Variants in MRTFB observed in about 807,000 individuals in gnomAD.
MRTFB encodes myocardin-related transcription factor B.
Under a neutral mutation model 104.2 loss-of-function variants are expected in MRTFB, and 29 were observed. That is an observed-to-expected ratio of 0.28 (90% confidence interval 0.21 to 0.38). The LOEUF (loss-of-function observed/expected upper bound fraction) is 0.38. MRTFB is among the 10% of genes least tolerant of loss of function. MRTFB has a pLI of 1.00. For missense variants in MRTFB, 1,270 were observed against 1,341.6 expected (o/e 0.95, Z 0.83); for synonymous variants, 535 against 519.5 (o/e 1.03, Z -0.41).
chr16:14,189,512 AAG>A (rs1284808810), intron 3 of MRTFB, among the ~76,000 whole-genome samples: 2 of 152,224 alleles, frequency 1.3e-5, no homozygotes, highest in Non-Finnish European at 2.9e-5. Context: ...GTTTTGTCAA[AAG>A]AGACAAATAT....
At chr16:14,144,425 T>G (rs1052217460) in intron 3 of MRTFB, 2 of 152,216 alleles carry the variant, frequency 1.3e-5, no homozygotes, top group Non-Finnish European at 2.9e-5. Flanking sequence ...GGGGAAATGC[T>G]GCTCAAAGGA....
At chr16:14,052,250 G>C in the MRTFB span, among the ~76,000 whole-genome samples, 1 of 152,086 alleles carries the variant, frequency 6.6e-6, no homozygotes, top group Non-Finnish European at 1.5e-5. Context: ...TATAGACAAG[G>C]ATTGAGGATT....
chr16:14,159,753 C>T (rs1172355281), intron 3 of MRTFB, among the ~76,000 whole-genome samples: 1 of 151,252 alleles, frequency 6.6e-6, no homozygotes, highest in Non-Finnish European at 1.5e-5. Context: ...AACGGTGAAA[C>T]CCCGTCTCTA....
intron 2 of MRTFB, among the ~76,000 whole-genome samples, chr16:14,127,504 C>A (rs1392230030): frequency 6.6e-6 from 1 of 151,652 alleles, no homozygotes; most frequent in Non-Finnish European, 1.5e-5. Flanking sequence ...ATTAGCCAGG[C>A]GTGGTGGTGG....
intron 2 of MRTFB, among the ~76,000 whole-genome samples, chr16:14,100,321 G>T (rs1250334319): frequency 6.6e-6 from 1 of 152,090 alleles, no homozygotes; most frequent in African/African-American, 2.4e-5. Context: ...ATGGATGTTG[G>T]ATTTTGTTAG....
chr16:14,210,140 T>C, intron 3 of MRTFB, 103 bp from the exon 4 acceptor site: 1 of 759,770 alleles, frequency 1.3e-6, no homozygotes, highest in Non-Finnish European at 2.1e-6. Flanking sequence ...AATTGTGAAA[T>C]AGAAGATGCT....
At chr16:14,060,935 A>C in the MRTFB span, among the ~76,000 whole-genome samples, 1 of 152,128 alleles carries the variant, frequency 6.6e-6, no homozygotes. Flanking sequence ...TCAGGAGGTC[A>C]GGAGATCGAG....
chr16:14,250,430 G>C (rs981696398), intron 13 of MRTFB, among the ~76,000 whole-genome samples: 2 of 152,174 alleles, frequency 1.3e-5, no homozygotes, highest in African/African-American at 4.8e-5. Context: ...TCTTGATGGA[G>C]GTGCTAAACA....
At chr16:14,148,682 G>A (rs555834795) in intron 3 of MRTFB, 9 of 152,658 alleles carry the variant, frequency 5.9e-5, no homozygotes, top group African/African-American at 2.2e-4. Context: ...GTAGTCTTTT[G>A]GGAGTCAGGA....
At chr16:14,041,795 A>C in the MRTFB span, among the ~76,000 whole-genome samples, 1 of 151,980 alleles carries the variant, frequency 6.6e-6, no homozygotes, top group Non-Finnish European at 1.5e-5. Context: ...GCGTGGTGGC[A>C]CATGCCTGTA....
rs1015525746 is a variant in MRTFB at position 14,266,512 on chromosome 16, C to G, written c.*5068C>G. On this transcript the variant is annotated 3_prime_UTR_variant, in exon 17 of 17. Transcript: ENST00000571589. ...AATCGGGGGTCCATTCATCTATTGC[C>G]TTTATGTTGTTTTTTAAAAGAAAAA... The G allele has an allele frequency of 4.6e-5, 7 of 152,080 alleles. No individual in the cohort carries two copies. Among genetic ancestry groups the G allele is most frequent in the Non-Finnish European group, 8.8e-5 (6 of 68,014 alleles). The allele number at this position is 152,080 out of a possible 1,614,324, so 9.4% of individuals were successfully genotyped here.
At chr16:14,187,108 G>GT in intron 3 of MRTFB, 1 of 1,254,990 alleles carries the variant, frequency 8.0e-7, no homozygotes, top group South Asian at 1.4e-5. Context: ...GTGTCTGTCT[G>GT]TTACCATGCT....
chr16:14,030,015 G>C, the MRTFB span, among the ~76,000 whole-genome samples: 69 of 152,058 alleles, frequency 4.5e-4, no homozygotes, highest in African/African-American at 1.6e-3. Context: ...GGGAGGGGAG[G>C]AGTGAGAGCT....
rs374379820 is a variant in MRTFB, at chr16:14,251,924, T to A, written c.2466T>A (p.Ala822=). 1.9e-5 allele frequency: 30 copies of A among 1,614,110 alleles called. No homozygotes were observed. Among genetic ancestry groups the A allele is most frequent in the Non-Finnish European group, 1.9e-5 (22 of 1,180,036 alleles). The change falls in exon 14 of 17, where the codon GCT becomes GCA. Residue 822 remains alanine, a synonymous_variant. Coordinates refer to ENST00000571589, the MANE Select transcript of MRTFB (RefSeq NM_001308142.2). ...CATATCAGAGACATCCTGCCCCAGCTGTCCAGCAGCCCTTTATCAATAAGG... is the reference window on the plus strand; with the variant it reads ...CATATCAGAGACATCCTGCCCCAGCAGTCCAGCAGCCCTTTATCAATAAGG... ...VLPYQRHPAP[A]VQQPFINKAS...
At chr16:14,003,627 T>G in the MRTFB span, among the ~76,000 whole-genome samples, 9 of 100,960 alleles carry the variant, frequency 8.9e-5, no homozygotes, top group South Asian at 3.0e-4. Flanking sequence ...CCGGCCGGCC[T>G]GCCTGCCTGC....
chr16:14,019,835 A>C, the MRTFB span, among the ~76,000 whole-genome samples: 1 of 151,964 alleles, frequency 6.6e-6, no homozygotes, highest in Non-Finnish European at 1.5e-5. Context: ...GATCCAAAAA[A>C]GGCTTACAGA....
intron 2 of MRTFB, among the ~76,000 whole-genome samples, chr16:14,134,589 G>C (rs2037610841): frequency 6.6e-6 from 1 of 152,180 alleles, no homozygotes; most frequent in South Asian, 2.1e-4. Flanking sequence ...GATCATGATT[G>C]GTTCATCATT....
At chr16:14,026,127 C>A in the MRTFB span, among the ~76,000 whole-genome samples, 1 of 151,888 alleles carries the variant, frequency 6.6e-6, no homozygotes, top group Non-Finnish European at 1.5e-5. Context: ...AATATGATTA[C>A]AAAATTTACA....
the MRTFB span, chr16:14,018,764 A>T: frequency 4.6e-5 from 7 of 152,190 alleles, no homozygotes; most frequent in Non-Finnish European, 2.9e-5. Context: ...AGGCCAATAA[A>T]TCATTCTTGT....
Sources: allele counts gnomAD v4.1 joint callset (sites outside exome capture counted in the v4.1 genomes callset), GRCh38; gene constraint gnomAD v4.1.1; transcripts MANE v1.5; gene names NCBI Gene and HGNC (gene_info 2026-07-23, HGNC 2026-07-21).